The following DDX31 variants were observed in gnomAD, a reference collection of about 807,000 sequenced individuals.
DDX31 encodes ATP-dependent DNA helicase DDX31.
In DDX31, 70 loss-of-function variants were observed where a neutral mutation model predicts 91.3. That is an observed-to-expected ratio of 0.77 (90% CI 0.63 to 0.94). DDX31 has a LOEUF of 0.94. DDX31 is among the 40% of genes least tolerant of loss of function. The pLI is 0.00. For missense variants in DDX31, 902 were observed against 925.0 expected (o/e 0.98, Z 0.32); for synonymous variants, 362 against 350.6 (o/e 1.03, Z -0.36).
At chr9:132,634,849 G>T (rs1306201092) in intron 14 of DDX31, among the ~76,000 whole-genome samples, 1 of 152,018 alleles carries the variant, frequency 6.6e-6, no homozygotes, top group Non-Finnish European at 1.5e-5. Flanking sequence ...GGGATTACAG[G>T]CAAGAGCCAC....
chr9:132,627,394 C>G (rs1832461773), intron 16 of DDX31, among the ~76,000 whole-genome samples: 1 of 152,140 alleles, frequency 6.6e-6, no homozygotes, highest in African/African-American at 2.4e-5. Flanking sequence ...TCTTCCTCTT[C>G]CTAAGAAACT....
intron 7 of DDX31, among the ~76,000 whole-genome samples, chr9:132,651,638 G>A (rs1834192647): frequency 6.6e-6 from 1 of 152,156 alleles, no homozygotes; most frequent in Admixed American, 6.5e-5. Flanking sequence ...TAAAACAAAA[G>A]CAAACCAACA....
chr9:132,658,147 G>A (rs2130824941), intron 6 of DDX31: 1 of 604,460 alleles, frequency 1.7e-6, no homozygotes, highest in South Asian at 2.0e-5. Flanking sequence ...GTTAGGTACT[G>A]TGGAAGACAC....
intron 16 of DDX31, among the ~76,000 whole-genome samples, chr9:132,626,330 C>T (rs556966591): frequency 1.8e-4 from 27 of 152,264 alleles, no homozygotes; most frequent in African/African-American, 5.1e-4. Context: ...CTAACGAAGC[C>T]GGAGCTGTGT....
chr9:132,618,251 T>C (rs1212549178), intron 18 of DDX31, 79 bp downstream of exon 18: 12 of 1,239,248 alleles, frequency 9.7e-6, no homozygotes, highest in Admixed American at 4.4e-5. Flanking sequence ...CTCAACCGGT[T>C]TGGGGGTATG....
rs138260985 is a variant in DDX31, at chr9:132,662,375, T to C, written c.333-39A>G. The C allele has an allele frequency of 1.6e-4, 263 of 1,614,056 alleles. 1 individual carries two copies. In the African/African-American group the frequency reaches 2.9e-3, roughly 18 times the overall value. ...ACAAGAACCCAGGCATCAGTGCCAA[T>C]ATTAACAAAGAAAAGGCAGAACACA... On this transcript the variant is annotated intron_variant, in intron 2 of 19. Transcript: ENST00000372159.
At chr9:132,628,145 C>A (rs1832508745) in intron 16 of DDX31, among the ~76,000 whole-genome samples, 2 of 152,138 alleles carry the variant, frequency 1.3e-5, no homozygotes, top group South Asian at 4.1e-4. Context: ...ACGTAATAAC[C>A]CAGATTCTGA....
chr9:132,669,821 C>T (rs1835616059), intron 1 of DDX31, 39 bp downstream of exon 1: 2 of 1,537,528 alleles, frequency 1.3e-6, no homozygotes, highest in South Asian at 1.2e-5. Flanking sequence ...ACAGCCGGGC[C>T]GCGGGTGGGG....
intron 19 of DDX31, among the ~76,000 whole-genome samples, chr9:132,610,477 G>GAATT (rs1831261473): frequency 6.6e-6 from 1 of 152,174 alleles, no homozygotes; most frequent in Admixed American, 6.5e-5. Flanking sequence ...ACTGGGAAGA[G>GAATT]AATTAGGCAA....
In DDX31 at chr9:132,669,719, G is replaced by T. The variant is rs990754560; in HGVS notation, c.75+141C>A. The T allele has an allele frequency of 3.9e-6, 6 of 1,532,240 alleles. No homozygotes were observed. In the South Asian group the frequency reaches 6.0e-5, roughly 15 times the overall value. The allele number at this position is 1,532,240 out of a possible 1,614,324, so 94.9% of individuals were successfully genotyped here. ...AGAGACACGTGTTTCGGCGCAACTT[G>T]TCCCGAAGCTGCCCGGTGTCTTTCT... On this transcript the variant is annotated intron_variant, in intron 1 of 19. Coordinates refer to ENST00000372159, the MANE Select transcript of DDX31 (RefSeq NM_022779.9).
chr9:132,625,638 C>T (rs764620078), intron 17 of DDX31, 26 bp downstream of exon 17: 7 of 1,586,970 alleles, frequency 4.4e-6, no homozygotes, highest in Admixed American at 1.7e-5. Context: ...CTGTTGGCAG[C>T]GAGCACAATA....
At chr9:132,661,285 T>C in intron 3 of DDX31, 34 bp from the exon 4 acceptor site, 1 of 1,493,740 alleles carries the variant, frequency 6.7e-7, no homozygotes, top group South Asian at 1.2e-5. Flanking sequence ...TTAATTAATA[T>C]TTTGATACAA....
chr9:132,654,255 G>C (rs1166603410), intron 6 of DDX31, among the ~76,000 whole-genome samples: 2 of 152,114 alleles, frequency 1.3e-5, no homozygotes, highest in East Asian at 3.9e-4. Context: ...CCACACCTGA[G>C]AGAAAGAGCT....
intron 6 of DDX31, among the ~76,000 whole-genome samples, chr9:132,656,786 T>C (rs1834597510): frequency 6.6e-6 from 1 of 152,192 alleles, no homozygotes; most frequent in African/African-American, 2.4e-5. Flanking sequence ...TCAACTGGTA[T>C]AAAGAAAAAC....
chr9:132,614,235 C>T (rs929341083), intron 18 of DDX31, among the ~76,000 whole-genome samples: 5 of 152,180 alleles, frequency 3.3e-5, no homozygotes, highest in Admixed American at 1.3e-4. Context: ...TTTTCCCAAT[C>T]GATGAGCAAT....
At chr9:132,637,871 A>G in intron 14 of DDX31, 2 of 987,744 alleles carry the variant, frequency 2.0e-6, no homozygotes, top group Non-Finnish European at 2.4e-6. Flanking sequence ...AAAAGCACGA[A>G]AGTCTACATT....
chr9:132,604,362 C>T (rs1455777968), intron 19 of DDX31, among the ~76,000 whole-genome samples: 1 of 152,178 alleles, frequency 6.6e-6, no homozygotes, highest in African/African-American at 2.4e-5. Context: ...AGACACGATC[C>T]AGCATGGACC....
chr9:132,618,199 T>G, intron 18 of DDX31, 131 bp downstream of exon 18: 1 of 623,354 alleles, frequency 1.6e-6, no homozygotes, highest in Non-Finnish European at 2.7e-6. Flanking sequence ...ATTATGGAGA[T>G]TGAAGGCTTT....
rs757487529 is a variant in DDX31 at position 132,662,361 on chromosome 9, G to A, written c.333-25C>T. 5.6e-6 allele frequency: 9 copies of A among 1,614,004 alleles called. No homozygotes were observed. The South Asian group carries it at 9.9e-5, about 18-fold the overall frequency. The stretch of plus-strand genomic sequence containing the variant: ...TCTGCAAATGATGAACAAGAACCCA[G>A]GCATCAGTGCCAATATTAACAAAGA... On this transcript the variant is annotated intron_variant, in intron 2 of 19. Coordinates refer to ENST00000372159, the MANE Select transcript of DDX31 (RefSeq NM_022779.9).
Sources: allele counts gnomAD v4.1 joint callset (sites outside exome capture counted in the v4.1 genomes callset), GRCh38; gene constraint gnomAD v4.1.1; transcripts MANE v1.5; gene names NCBI Gene and HGNC (gene_info 2026-07-23, HGNC 2026-07-21).